PCDHA11: variants seen among roughly 807,000 people sequenced by gnomAD.
PCDHA11 encodes the protein protocadherin alpha-11.
Under a neutral mutation model 70.3 loss-of-function variants are expected in PCDHA11, and 61 were observed. The ratio of observed to expected loss-of-function variants is 0.87; its 90% confidence interval spans 0.71 to 1.07. The LOEUF (loss-of-function observed/expected upper bound fraction) is 1.07. Among genes scored for constraint, PCDHA11 ranks in the 50% least tolerant of loss-of-function variants. PCDHA11 has a pLI of 0.00. For synonymous variants in PCDHA11, 633 were observed against 555.1 expected, an observed-to-expected ratio of 1.14 and a Z score of -1.97; for missense variants, 1,324 against 1,237.5, an observed-to-expected ratio of 1.07 and a Z score of -1.05.
At position 140,869,548 on chromosome 5, in the gene PCDHA11, G is replaced by T; in HGVS notation, c.445G>T (p.Asp149Tyr). Residue 149 changes from aspartate to tyrosine, a missense_variant, in exon 1 of 4, where the codon GAC (aspartate) becomes TAC (tyrosine). Coordinates refer to ENST00000398640, the MANE Select transcript of PCDHA11 (RefSeq NM_018902.5). ...GCTGATTGCGGAATCTAAGCAATCG[G>T]ACTCGCGTTTTCCACTAGAGGGAGC... The part of the protein sequence containing the change: ...KLLIAESKQS[D>Y]SRFPLEGASD... 6.2e-7 allele frequency: 1 copy of T among 1,614,202 alleles called. No individual in the cohort carries two copies. Among genetic ancestry groups the T allele is most frequent in the Non-Finnish European group, 8.5e-7 (1 of 1,180,050 alleles).
intron 3 of PCDHA11, among the ~76,000 whole-genome samples, chr5:140,991,094 A>G (rs144874764): frequency 9.8e-4 from 150 of 152,358 alleles, no homozygotes; most frequent in African/African-American, 3.5e-3. Context: ...ATTAAAGCTC[A>G]TAAGAATTAA....
chr5:140,883,486 A>G (rs2059636103), intron 1 of PCDHA11: 1 of 1,614,016 alleles, frequency 6.2e-7, no homozygotes, highest in Non-Finnish European at 8.5e-7. Context: ...ACTACTACTC[A>G]TTAGTGCTGG....
chr5:140,882,094 C>T, intron 1 of PCDHA11: 1 of 1,172,684 alleles, frequency 8.5e-7, no homozygotes, highest in Non-Finnish European at 1.2e-6. Context: ...TCACTGAGAA[C>T]GTTTCCGCGA....
Position 140,984,851 on chromosome 5 carries a change from A to G in PCDHA11, c.2539+2288A>G, listed in dbSNP as rs986424116. Among the ~76,000 whole-genome samples the G allele has an allele frequency of 2.6e-5, 4 of 152,200 alleles. No individual in the cohort carries two copies. In the South Asian group the frequency reaches 6.2e-4, roughly 24 times the overall value. ...TTTCTGTAAATTGGGTGTAGTAATA[A>G]TAATAACACCTATTTTATTGAGTTA... On this transcript the variant is annotated intron_variant, in intron 3 of 3. Coordinates refer to ENST00000398640, the MANE Select transcript of PCDHA11 (RefSeq NM_018902.5).
intron 1 of PCDHA11, chr5:140,875,942 C>T: frequency 1.2e-6 from 2 of 1,614,190 alleles, no homozygotes; most frequent in Non-Finnish European, 1.7e-6. Context: ...CTAGAGGGCG[C>T]TTCTGATGCG....
chr5:140,927,226 A>G, intron 1 of PCDHA11: 4 of 1,613,996 alleles, frequency 2.5e-6, no homozygotes, highest in Non-Finnish European at 3.4e-6. Context: ...CAAGATTCGG[A>G]TTCACGTCCT....
intron 3 of PCDHA11, among the ~76,000 whole-genome samples, chr5:140,999,483 T>G (rs1316785085): frequency 3.3e-5 from 5 of 152,152 alleles, no homozygotes; most frequent in Admixed American, 2.6e-4. Flanking sequence ...CCAACTCAAG[T>G]CTATGTTACC....
intron 3 of PCDHA11, among the ~76,000 whole-genome samples, chr5:140,992,478 A>T (rs2097514142): frequency 6.6e-6 from 1 of 152,210 alleles, no homozygotes; most frequent in African/African-American, 2.4e-5. Flanking sequence ...TAGATCACCC[A>T]GAGGCCAATC....
At chr5:140,980,397 C>T (rs888776890) in intron 2 of PCDHA11, among the ~76,000 whole-genome samples, 3 of 152,100 alleles carry the variant, frequency 2.0e-5, no homozygotes, top group South Asian at 2.1e-4. Context: ...TTTGGGAGGC[C>T]GAGGTGGGCA....
At chr5:141,001,289 TGAGGCCCA>T (rs1387793441) in intron 3 of PCDHA11, among the ~76,000 whole-genome samples, 1 of 152,150 alleles carries the variant, frequency 6.6e-6, no homozygotes, top group Non-Finnish European at 1.5e-5. Context: ...GGATGAAAAC[TGAGGCCCA>T]GAGATATGAA....
At chr5:140,946,871 A>G (rs952595827) in intron 1 of PCDHA11, among the ~76,000 whole-genome samples, 8 of 151,442 alleles carry the variant, frequency 5.3e-5, no homozygotes, top group Non-Finnish European at 8.9e-5. Flanking sequence ...AGGTTGGTCA[A>G]TGGGTACGAA....
intron 1 of PCDHA11, among the ~76,000 whole-genome samples, chr5:140,913,921 C>T (rs782350245): frequency 1.4e-4 from 22 of 152,018 alleles, no homozygotes; most frequent in South Asian, 1.2e-3. Flanking sequence ...AATTTTACTT[C>T]ATTGTGGTCA....
chr5:140,877,184 G>C (rs1554169429), intron 1 of PCDHA11: 1 of 1,613,842 alleles, frequency 6.2e-7, no homozygotes. Context: ...ACTCCGGCTG[G>C]CAGCGCAGGA....
intron 1 of PCDHA11, among the ~76,000 whole-genome samples, chr5:140,954,144 A>G (rs560378033): frequency 2.0e-5 from 3 of 152,232 alleles, no homozygotes; most frequent in Non-Finnish European, 4.4e-5. Flanking sequence ...ATAGTATTCC[A>G]TGGTGTATAT....
intron 1 of PCDHA11, among the ~76,000 whole-genome samples, chr5:140,970,416 G>A (rs536181177): frequency 2.4e-4 from 36 of 152,326 alleles, no homozygotes; most frequent in African/African-American, 8.2e-4. Context: ...CTACAGTAAG[G>A]TGTAGAGGCA....
chr5:140,928,392 G>T (rs17844366), intron 1 of PCDHA11: 1 of 1,614,052 alleles, frequency 6.2e-7, no homozygotes, highest in Admixed American at 1.7e-5. Context: ...TGCTGGCAGT[G>T]GAATCATCCA....
intron 1 of PCDHA11, among the ~76,000 whole-genome samples, chr5:140,962,568 A>G (rs915587591): frequency 6.6e-6 from 1 of 152,222 alleles, no homozygotes; most frequent in Non-Finnish European, 1.5e-5. Context: ...CTAAAAGCCA[A>G]TTGTTAATGC....
Position 140,912,120 on chromosome 5 carries a change from G to A in PCDHA11, c.2391+40626G>A, listed in dbSNP as rs371645551. On this transcript the variant is annotated intron_variant, in intron 1 of 3. Transcript: ENST00000398640. ...AGAAAGATGTAGGCTGGGAGGCTAA[G>A]TCAGTCTAATCTCTCCATGTTCTTC... Among the ~76,000 whole-genome samples the A allele has an allele frequency of 1.7e-4, 26 of 152,328 alleles. 3 individuals are homozygous for A. In the East Asian group the frequency reaches 1.9e-3, roughly 11 times the overall value.
intron 1 of PCDHA11, among the ~76,000 whole-genome samples, chr5:140,941,202 C>CTTTCCTT (rs1554213921): frequency 5.7e-5 from 7 of 122,742 alleles, no homozygotes; most frequent in Admixed American, 1.7e-4. Flanking sequence ...TTTCTTTCTT[C>CTTTCCTT]CTTTCTTTCT....
Sources: gnomAD v4.1 joint callset for allele counts (sites outside exome capture counted in the v4.1 genomes callset) on GRCh38, gnomAD v4.1.1 for gene constraint, MANE v1.5 for transcripts, NCBI Gene and HGNC (gene_info 2026-07-23, HGNC 2026-07-21) for gene names.